FOXP2: variants seen among roughly 807,000 people sequenced by gnomAD.
FOXP2 encodes forkhead box P2.
Under a neutral mutation model 115.8 loss-of-function variants are expected in FOXP2, and 12 were observed. The observed-to-expected ratio is 0.10, with a 90% CI of 0.07 to 0.17. FOXP2 has a LOEUF of 0.17. Ranked by LOEUF, FOXP2 falls within the 10% of genes least tolerant of loss-of-function variation. FOXP2 has a pLI of 1.00. For synonymous variants in FOXP2, 328 were observed against 297.7 expected, an observed-to-expected ratio of 1.10 and a Z score of -1.05; for missense variants, 629 against 843.5, an observed-to-expected ratio of 0.75 and a Z score of 3.15.
upstream of FOXP2, among the ~76,000 whole-genome samples, chr7:114,411,403 C>T (rs186178720): frequency 1.5e-3 from 233 of 152,098 alleles, 1 homozygote; most frequent in African/African-American, 5.2e-3. Flanking sequence ...ACAGAATTCC[C>T]CTGTAGTTTA....
chr7:114,089,655 TA>T (rs538994747), intron 1 of FOXP2, among the ~76,000 whole-genome samples: 92 of 148,902 alleles, frequency 6.2e-4, no homozygotes, highest in Admixed American at 1.7e-3. Context: ...TGGCTTTGCT[TA>T]AAAAAAAAAT....
rs183981105 is a variant in FOXP2 at position 114,467,603 on chromosome 7, G to A, written c.168+40924G>A. On this transcript the variant is annotated intron_variant, in intron 2 of 16. Coordinates refer to ENST00000350908, the MANE Select transcript of FOXP2 (RefSeq NM_014491.4). ...CCTCCTTACTTCTTACTGCCTTCCC[G>A]GTTGTTGTTTACTTGCTCTGTCTGT... 3.3e-5 allele frequency among the ~76,000 whole-genome samples: 5 copies of A among 152,158 alleles called. No individual in the cohort carries two copies. The East Asian group carries it at 5.8e-4, about 18-fold the overall frequency.
chr7:114,462,389 T>TTA (rs1461369978), intron 2 of FOXP2, among the ~76,000 whole-genome samples: 1 of 119,810 alleles, frequency 8.3e-6, no homozygotes, highest in Non-Finnish European at 1.9e-5. Flanking sequence ...TTTTTTTTTT[T>TTA]AAGACAGAGT....
intron 2 of FOXP2, among the ~76,000 whole-genome samples, chr7:114,386,018 G>C (rs1356395926): frequency 6.6e-6 from 1 of 152,192 alleles, no homozygotes; most frequent in Non-Finnish European, 1.5e-5. Flanking sequence ...CGATTAGGAC[G>C]AACCCAGGCA....
intron 2 of FOXP2, among the ~76,000 whole-genome samples, chr7:114,486,783 C>A (rs1322518698): frequency 1.3e-5 from 2 of 152,202 alleles, no homozygotes; most frequent in Middle Eastern, 3.2e-3. Flanking sequence ...TCTTAAAGCT[C>A]TGAAATGATC....
rs574970604 is a variant in FOXP2, at chr7:114,693,745, A to C, written c.*3819A>C. The C allele has an allele frequency of 2.3e-5, 7 of 310,368 alleles. No individual in the cohort carries two copies. Among genetic ancestry groups the C allele is most frequent in the South Asian group, 2.0e-4 (7 of 35,106 alleles). 19.2% of individuals were successfully genotyped at this position (310,368 alleles called of 1,614,324 possible). On this transcript the variant is annotated 3_prime_UTR_variant, in exon 17 of 17. Transcript: ENST00000350908. Reference sequence around the variant, plus strand: ...TACATTTCTGAAGTATAAATAAAAAAATCTAATTCTTTTTGACCCATTTAT... The same window carrying C: ...TACATTTCTGAAGTATAAATAAAAACATCTAATTCTTTTTGACCCATTTAT...
intron 2 of FOXP2, among the ~76,000 whole-genome samples, chr7:114,302,282 C>T (rs975674779): frequency 6.6e-6 from 1 of 152,072 alleles, no homozygotes; most frequent in Non-Finnish European, 1.5e-5. Flanking sequence ...CCATATACAC[C>T]TTTATAGTCA....
chr7:114,632,648 G>A (rs1039843859), intron 6 of FOXP2, among the ~76,000 whole-genome samples: 4 of 152,066 alleles, frequency 2.6e-5, no homozygotes, highest in African/African-American at 7.2e-5. Flanking sequence ...CAGGAGTATC[G>A]TGGTAATGTT....
At chr7:114,410,867 C>T (rs543047028), upstream of FOXP2, among the ~76,000 whole-genome samples, 7 of 149,976 alleles carry the variant, frequency 4.7e-5, no homozygotes, top group African/African-American at 1.5e-4. Flanking sequence ...ATGAAGGTGG[C>T]AGTAGCCAAA....
chr7:114,391,111 C>G (rs1048469939), intron 2 of FOXP2, among the ~76,000 whole-genome samples: 1 of 151,804 alleles, frequency 6.6e-6, no homozygotes, highest in African/African-American at 2.4e-5. Context: ...CGCTTGAACC[C>G]GGGAGGCGGA....
At chr7:114,147,153 G>C (rs1792392713) in intron 1 of FOXP2, among the ~76,000 whole-genome samples, 1 of 152,044 alleles carries the variant, frequency 6.6e-6, no homozygotes, top group Non-Finnish European at 1.5e-5. Context: ...ATTTATTCTT[G>C]GTTAAGTTAT....
At chr7:114,366,364 C>A (rs954573377) in intron 2 of FOXP2, 1 of 152,054 alleles carries the variant, frequency 6.6e-6, no homozygotes, top group South Asian at 2.1e-4. Context: ...ATAGAGTAAA[C>A]GATGGATCAT....
chr7:114,272,823 C>G (rs1796099355), intron 1 of FOXP2, among the ~76,000 whole-genome samples: 1 of 151,616 alleles, frequency 6.6e-6, no homozygotes, highest in Admixed American at 6.6e-5. Flanking sequence ...TAATTTGTGT[C>G]CTTACTTTTT....
At chr7:114,221,749 T>C (rs890689112) in intron 1 of FOXP2, among the ~76,000 whole-genome samples, 3 of 152,210 alleles carry the variant, frequency 2.0e-5, no homozygotes, top group Non-Finnish European at 4.4e-5. Context: ...TGCATGATAA[T>C]GAAGACTTTT....
chr7:114,405,996 A>G (rs1793027538), intron 2 of FOXP2, among the ~76,000 whole-genome samples: 1 of 151,850 alleles, frequency 6.6e-6, no homozygotes, highest in South Asian at 2.1e-4. Flanking sequence ...AGACATTGCC[A>G]GTTATGAGAA....
At chr7:114,114,706 A>G (rs964781670) in intron 1 of FOXP2, among the ~76,000 whole-genome samples, 2 of 152,130 alleles carry the variant, frequency 1.3e-5, no homozygotes, top group African/African-American at 4.8e-5. Context: ...GTATTTCTCT[A>G]TGATAGCTCC....
chr7:114,377,588 C>T (rs1416721861), intron 2 of FOXP2, among the ~76,000 whole-genome samples: 2 of 152,150 alleles, frequency 1.3e-5, no homozygotes, highest in African/African-American at 4.8e-5. Flanking sequence ...ATTATACAAC[C>T]AGAGCATGTC....
rs760596736 is a variant in FOXP2, at chr7:114,653,965, C to G, written c.1222C>G (p.His408Asp). 6.2e-7 allele frequency: 1 copy of G among 1,613,314 alleles called. No individual in the cohort carries two copies. The highest frequency in any genetic ancestry group is 8.5e-7 in the Non-Finnish European group (1 of 1,179,440). ...ERERLQAMMT[H>D]LHMRPSEPKP... ...CGAACGTCTTCAAGCAATGATGACCCACTTGCACATGCGACCCTCAGAGCC... is the reference window on the plus strand; with the variant it reads ...CGAACGTCTTCAAGCAATGATGACCGACTTGCACATGCGACCCTCAGAGCC... The change falls in exon 10 of 17, where the codon CAC becomes GAC. Residue 408 changes from histidine (H) to aspartate (D), a missense_variant. Physicochemically the swap from His to Asp is moderately conservative, Grantham distance 81. Coordinates refer to ENST00000350908, the MANE Select transcript of FOXP2 (RefSeq NM_014491.4).
At chr7:114,376,788 C>A (rs1032628280) in intron 2 of FOXP2, among the ~76,000 whole-genome samples, 4 of 151,898 alleles carry the variant, frequency 2.6e-5, no homozygotes, top group Non-Finnish European at 5.9e-5. Flanking sequence ...AAGAGTGTGG[C>A]ATATTTAGAA....
Sources: gnomAD v4.1 joint callset for allele counts (sites outside exome capture counted in the v4.1 genomes callset) on GRCh38, gnomAD v4.1.1 for gene constraint, MANE v1.5 for transcripts, NCBI Gene and HGNC (gene_info 2026-07-23, HGNC 2026-07-21) for gene names.